Variants in DNAH6 observed in about 807,000 individuals in gnomAD.
DNAH6 encodes the protein dynein axonemal heavy chain 6.
DNAH6 carries 340 observed loss-of-function variants against 491.4 expected under a neutral mutation model. That is an observed-to-expected ratio of 0.69 (90% CI 0.63 to 0.76). The LOEUF (loss-of-function observed/expected upper bound fraction) is 0.76, where lower values mean the gene tolerates loss of function less well. Ranked by LOEUF, DNAH6 falls within the 30% of genes least tolerant of loss-of-function variation. The pLI is 0.00. For synonymous variants in DNAH6, 1,603 were observed against 1,686.1 expected (o/e 0.95, Z 1.21); for missense variants, 4,443 against 4,972.2 (o/e 0.89, Z 3.20).
At chr2:84,643,898 G>GTGT (rs138750347) in intron 33 of DNAH6, among the ~76,000 whole-genome samples, 6,319 of 148,592 alleles carry the variant, frequency 0.043, 427 homozygotes, top group African/African-American at 0.15. Context: ...TTCAAATTGT[G>GTGT]TTTTTTTTTG....
intron 15 of DNAH6, among the ~76,000 whole-genome samples, chr2:84,585,118 T>A (rs560631847): frequency 6.6e-6 from 1 of 152,214 alleles, no homozygotes; most frequent in Non-Finnish European, 1.5e-5. Context: ...TTCGAAGGAC[T>A]TGGCACTGTT....
intron 4 of DNAH6, among the ~76,000 whole-genome samples, chr2:84,540,319 G>A (rs1258811356): frequency 1.3e-5 from 2 of 152,094 alleles, no homozygotes; most frequent in African/African-American, 4.8e-5. Flanking sequence ...ACAAATACCT[G>A]GGAGAATAAC....
intron 67 of DNAH6, among the ~76,000 whole-genome samples, chr2:84,786,289 G>C (rs1677179158): frequency 6.6e-6 from 1 of 152,034 alleles, no homozygotes; most frequent in African/African-American, 2.4e-5. Context: ...AGCCAGGCAT[G>C]GTGGCACACA....
chr2:84,474,924 G>A, the DNAH6 span, among the ~76,000 whole-genome samples: 17 of 152,248 alleles, frequency 1.1e-4, no homozygotes, highest in South Asian at 2.1e-3. Context: ...ATATACAGCC[G>A]TTCCTGTTGG....
intron 60 of DNAH6, among the ~76,000 whole-genome samples, chr2:84,726,011 T>C (rs920580056): frequency 4.8e-4 from 73 of 152,196 alleles, no homozygotes; most frequent in African/African-American, 1.7e-3. Context: ...GTAGGCTTCC[T>C]CTAAGCCCTT....
At chr2:84,607,958 G>GT (rs1395704722) in intron 21 of DNAH6, among the ~76,000 whole-genome samples, 1 of 152,162 alleles carries the variant, frequency 6.6e-6, no homozygotes, top group East Asian at 1.9e-4. Flanking sequence ...TGGAGTCAAT[G>GT]TTCTCAAGCC....
chr2:84,654,154 C>G (rs1290814088), intron 34 of DNAH6, among the ~76,000 whole-genome samples: 1 of 151,466 alleles, frequency 6.6e-6, no homozygotes, highest in African/African-American at 2.4e-5. Flanking sequence ...AGAGAGAGAG[C>G]TTTGTATCAT....
intron 57 of DNAH6, among the ~76,000 whole-genome samples, chr2:84,714,993 T>C (rs988613364): frequency 2.0e-5 from 3 of 151,930 alleles, no homozygotes; most frequent in African/African-American, 7.3e-5. Flanking sequence ...TCAGAATATA[T>C]TATAGTAATA....
chr2:84,636,562 G>A (rs996389320), intron 30 of DNAH6, among the ~76,000 whole-genome samples: 1 of 152,254 alleles, frequency 6.6e-6, no homozygotes, highest in South Asian at 2.1e-4. Context: ...TGCCTCACCT[G>A]CAACAGGTGC....
At chr2:84,659,215 T>C (rs1191353452) in intron 37 of DNAH6, 46 bp downstream of exon 37, 15 of 1,088,816 alleles carry the variant, frequency 1.4e-5, no homozygotes, top group Non-Finnish European at 1.3e-5. Flanking sequence ...TTCTGAATTA[T>C]TTAAATTTTA....
chr2:84,759,014 G>A (rs1211411240), intron 63 of DNAH6, among the ~76,000 whole-genome samples: 1 of 152,102 alleles, frequency 6.6e-6, no homozygotes, highest in Admixed American at 6.5e-5. Flanking sequence ...CCTGTTTATT[G>A]ATGATATGGT....
At chr2:84,659,996 A>C (rs1409917802) in intron 37 of DNAH6, among the ~76,000 whole-genome samples, 5 of 152,116 alleles carry the variant, frequency 3.3e-5, no homozygotes, top group Non-Finnish European at 5.9e-5. Context: ...TAAATAAGTA[A>C]ATGTATGAAA....
chr2:84,626,971 T>A (rs988215608), intron 29 of DNAH6, among the ~76,000 whole-genome samples: 2 of 152,174 alleles, frequency 1.3e-5, no homozygotes, highest in African/African-American at 4.8e-5. Context: ...AAACTACATA[T>A]TATGATCTGC....
intron 9 of DNAH6, among the ~76,000 whole-genome samples, chr2:84,551,603 A>T (rs72939158): frequency 0.011 from 1,678 of 152,318 alleles, 29 homozygotes; most frequent in African/African-American, 0.037. Context: ...CCTTGTCTAT[A>T]CATTTTTCAC....
intron 11 of DNAH6, among the ~76,000 whole-genome samples, chr2:84,568,787 C>T (rs2103899994): frequency 6.6e-6 from 1 of 152,132 alleles, no homozygotes; most frequent in East Asian, 1.9e-4. Flanking sequence ...CCAAACATAG[C>T]ATCTAAGCAT....
At chr2:84,466,661 A>T in the DNAH6 span, among the ~76,000 whole-genome samples, 1 of 152,226 alleles carries the variant, frequency 6.6e-6, no homozygotes, top group Non-Finnish European at 1.5e-5. Context: ...AGAGTTCTGA[A>T]AATGTTTTCC....
At chr2:84,816,778 G>A (rs1680526097) in intron 76 of DNAH6, among the ~76,000 whole-genome samples, 1 of 152,174 alleles carries the variant, frequency 6.6e-6, no homozygotes, top group African/African-American at 2.4e-5. Context: ...AAAACTCTGA[G>A]TGCATCTGAA....
At chr2:84,489,762 T>C in the DNAH6 span, among the ~76,000 whole-genome samples, 14 of 152,188 alleles carry the variant, frequency 9.2e-5, no homozygotes, top group African/African-American at 3.4e-4. Flanking sequence ...TCTAGAGCAG[T>C]GTTCTCAAAC....
chr2:84,785,900 A>G (rs905161175), intron 67 of DNAH6, 144 bp downstream of exon 67: 41 of 799,554 alleles, frequency 5.1e-5, no homozygotes, highest in Non-Finnish European at 6.3e-5. Flanking sequence ...GTTTTCATTC[A>G]ATCTCTATAC....
Sources: gnomAD v4.1 joint callset for allele counts (sites outside exome capture counted in the v4.1 genomes callset) on GRCh38, gnomAD v4.1.1 for gene constraint, MANE v1.5 for transcripts, NCBI Gene and HGNC (gene_info 2026-07-23, HGNC 2026-07-21) for gene names.